Variants in PCDH7 observed in about 807,000 individuals in gnomAD.
PCDH7 encodes protocadherin 7.
In PCDH7, 17 loss-of-function variants were observed where a neutral mutation model predicts 58.9. The observed-to-expected ratio is 0.29, with a 90% confidence interval of 0.20 to 0.43. The LOEUF is 0.43. PCDH7 is among the 20% of genes least tolerant of loss of function. The pLI, the probability that PCDH7 is intolerant of heterozygous loss-of-function variation, is 1.00. For missense variants in PCDH7, 1,274 were observed against 1,441.0 expected (o/e 0.88, Z 1.88); for synonymous variants, 664 against 616.4 (o/e 1.08, Z -1.14).
intron 1 of PCDH7, among the ~76,000 whole-genome samples, chr4:30,874,348 T>C (rs1578127733): frequency 6.6e-6 from 1 of 152,028 alleles, no homozygotes. Flanking sequence ...ATATACACCA[T>C]GGAATACTAT....
chr4:30,778,285 T>G (rs1447364), intron 1 of PCDH7, among the ~76,000 whole-genome samples: 1,902 of 152,042 alleles, frequency 0.013, 38 homozygotes, highest in African/African-American at 0.042. Context: ...GCACTTATAA[T>G]ACAAAAGAGC....
intron 3 of PCDH7, among the ~76,000 whole-genome samples, chr4:31,096,045 C>A (rs1440547255): frequency 6.6e-6 from 1 of 152,054 alleles, no homozygotes; most frequent in Non-Finnish European, 1.5e-5. Flanking sequence ...CATTTCAGAC[C>A]CCTAATAAGT....
chr4:30,869,823 A>T (rs1168634470), intron 1 of PCDH7, among the ~76,000 whole-genome samples: 32 of 152,198 alleles, frequency 2.1e-4, no homozygotes, highest in Non-Finnish European at 2.1e-4. Flanking sequence ...TGGGTCAAAC[A>T]GTAGTTCTGG....
chr4:30,861,027 C>T (rs1734130571), intron 1 of PCDH7, among the ~76,000 whole-genome samples: 2 of 152,066 alleles, frequency 1.3e-5, no homozygotes. Context: ...TGGACATTTG[C>T]AGTTTATGCA....
At chr4:31,015,736 G>T (rs967818095) in intron 3 of PCDH7, among the ~76,000 whole-genome samples, 2 of 152,030 alleles carry the variant, frequency 1.3e-5, no homozygotes, top group Non-Finnish European at 2.9e-5. Flanking sequence ...ATATCATAAA[G>T]TCTCTAAAGG....
chr4:30,961,857 T>G (rs1748466326), intron 3 of PCDH7, among the ~76,000 whole-genome samples: 1 of 152,178 alleles, frequency 6.6e-6, no homozygotes, highest in Non-Finnish European at 1.5e-5. Flanking sequence ...ATGGATAAAT[T>G]GTCTGCTTTT....
chr4:30,813,771 C>G (rs1175277514), intron 1 of PCDH7, among the ~76,000 whole-genome samples: 1 of 152,060 alleles, frequency 6.6e-6, no homozygotes, highest in Non-Finnish European at 1.5e-5. Context: ...CATCCTGAGT[C>G]ACTGAGATTA....
intron 3 of PCDH7, among the ~76,000 whole-genome samples, chr4:31,023,934 C>G (rs1271953974): frequency 6.6e-6 from 1 of 152,116 alleles, no homozygotes; most frequent in East Asian, 1.9e-4. Flanking sequence ...AGTAGTAGAA[C>G]TCAAGGTCAG....
At chr4:30,731,105 A>G in exon 2 of PCDH7, 2 of 1,063,504 alleles carry the variant, frequency 1.9e-6, no homozygotes, top group South Asian at 9.0e-5. Context: ...CCAAAAGCAT[A>G]TTGCAACAAT....
In PCDH7 at chr4:31,021,782, G is replaced by T. The variant is rs142641071; in HGVS notation, c.*7+71567G>T. 5.8e-3 allele frequency among the ~76,000 whole-genome samples: 886 copies of T among 152,118 alleles called. 7 individuals are homozygous for T. Among genetic ancestry groups the T allele is most frequent in the Non-Finnish European group, 8.7e-3 (590 of 67,990 alleles). On this transcript the variant is annotated intron_variant, in intron 3 of 3. Coordinates refer to the PCDH7 transcript ENST00000509759. ...AATTTCAAGGAAGGTGAGTAAATATGGTCTAATCTAGAGATGTGGAAGGGG... is the reference window on the plus strand; with the variant it reads ...AATTTCAAGGAAGGTGAGTAAATATTGTCTAATCTAGAGATGTGGAAGGGG...
At chr4:30,796,774 G>C (rs1724830991) in intron 1 of PCDH7, among the ~76,000 whole-genome samples, 1 of 152,016 alleles carries the variant, frequency 6.6e-6, no homozygotes. Flanking sequence ...TCTTCTTCTA[G>C]AGCTCTATTT....
chr4:30,824,948 A>ACAGACAGACAGAG (rs1728916107), intron 1 of PCDH7, among the ~76,000 whole-genome samples: 1 of 152,104 alleles, frequency 6.6e-6, no homozygotes. Context: ...CAGAGGATGA[A>ACAGACAGACAGAG]TACCCTGACA....
At chr4:30,932,532 A>G (rs1431513938) in intron 2 of PCDH7, among the ~76,000 whole-genome samples, 2 of 152,220 alleles carry the variant, frequency 1.3e-5, no homozygotes, top group Non-Finnish European at 2.9e-5. Context: ...AATTGCTACA[A>G]AATAATTTCC....
chr4:30,869,548 C>G (rs566650096), intron 1 of PCDH7, among the ~76,000 whole-genome samples: 1 of 152,220 alleles, frequency 6.6e-6, no homozygotes, highest in Non-Finnish European at 1.5e-5. Flanking sequence ...GTTTTCTGTT[C>G]TTGTGTTAGT....
chr4:30,749,463 T>A (rs1021546070), intron 1 of PCDH7, among the ~76,000 whole-genome samples: 5 of 152,132 alleles, frequency 3.3e-5, no homozygotes, highest in Admixed American at 3.3e-4. Context: ...AGCATCCTTC[T>A]TGATTTAACA....
intron 3 of PCDH7, among the ~76,000 whole-genome samples, chr4:31,087,909 A>G (rs73114755): frequency 0.16 from 24,870 of 152,042 alleles, 3,438 homozygotes; most frequent in African/African-American, 0.37. Context: ...ATGATCATAC[A>G]ATAAAAGCAC....
At chr4:30,953,604 G>A (rs567518321) in intron 3 of PCDH7, among the ~76,000 whole-genome samples, 1 of 151,918 alleles carries the variant, frequency 6.6e-6, no homozygotes, top group South Asian at 2.1e-4. Flanking sequence ...AGCTGCATAT[G>A]GCTTTGACAT....
intron 1 of PCDH7, among the ~76,000 whole-genome samples, chr4:30,824,560 G>A (rs1032220760): frequency 6.6e-6 from 1 of 152,082 alleles, no homozygotes; most frequent in African/African-American, 2.4e-5. Flanking sequence ...GGACAAAGGA[G>A]TGATATTGCC....
intron 3 of PCDH7, among the ~76,000 whole-genome samples, chr4:31,122,112 G>A (rs1241164517): frequency 6.6e-6 from 1 of 151,964 alleles, no homozygotes; most frequent in East Asian, 1.9e-4. Flanking sequence ...ATATTGTACT[G>A]TTTTCCAAAT....
Sources: allele counts gnomAD v4.1 joint callset (sites outside exome capture counted in the v4.1 genomes callset), GRCh38; gene constraint gnomAD v4.1.1; transcripts MANE v1.5; gene names NCBI Gene and HGNC (gene_info 2026-07-23, HGNC 2026-07-21).